The following RBFOX3 variants were observed in gnomAD, a reference collection of about 807,000 sequenced individuals.
The protein encoded by RBFOX3 is RNA binding fox-1 homolog 3.
In RBFOX3, 17 loss-of-function variants were observed where a neutral mutation model predicts 48.7. The ratio of observed to expected loss-of-function variants is 0.35; its 90% CI spans 0.24 to 0.52. The LOEUF is 0.52. Among genes scored for constraint, RBFOX3 ranks in the 20% least tolerant of loss-of-function variants. The pLI is 0.94. For synonymous variants in RBFOX3, 212 were observed against 209.5 expected, an observed-to-expected ratio of 1.01 and a Z score of -0.10; for missense variants, 382 against 497.5, an observed-to-expected ratio of 0.77 and a Z score of 2.21.
At chr17:79,294,153 C>T (rs1020335408) in intron 3 of RBFOX3, among the ~76,000 whole-genome samples, 3 of 152,222 alleles carry the variant, frequency 2.0e-5, no homozygotes, top group African/African-American at 7.2e-5. Flanking sequence ...GTTTTCTATT[C>T]CTCTCCAACA....
intron 4 of RBFOX3, among the ~76,000 whole-genome samples, chr17:79,178,567 G>T (rs545279543): frequency 6.6e-6 from 1 of 152,116 alleles, no homozygotes; most frequent in African/African-American, 2.4e-5. Context: ...CCAGTGCCTC[G>T]GTTTCTCCAA....
chr17:79,608,259 C>G (rs945952371), intron 1 of RBFOX3, among the ~76,000 whole-genome samples: 1 of 152,232 alleles, frequency 6.6e-6, no homozygotes, highest in Non-Finnish European at 1.5e-5. Flanking sequence ...ATACTCCCAG[C>G]CCCGCTGTGG....
At chr17:79,217,234 T>G (rs1456236692) in intron 4 of RBFOX3, among the ~76,000 whole-genome samples, 1 of 152,186 alleles carries the variant, frequency 6.6e-6, no homozygotes, top group Non-Finnish European at 1.5e-5. Flanking sequence ...TGGCCGCAAG[T>G]TTGCCAGCTT....
chr17:79,174,650 A>T (rs1568282885), intron 4 of RBFOX3, among the ~76,000 whole-genome samples: 1 of 149,116 alleles, frequency 6.7e-6, no homozygotes, highest in Non-Finnish European at 1.5e-5. Context: ...ACTGACACAC[A>T]CCCAATGCAC....
At chr17:79,354,229 G>C (rs979666043) in intron 2 of RBFOX3, among the ~76,000 whole-genome samples, 1 of 152,176 alleles carries the variant, frequency 6.6e-6, no homozygotes, top group Non-Finnish European at 1.5e-5. Context: ...CTGTGGGTTT[G>C]GGCAAATGTG....
intron 2 of RBFOX3, among the ~76,000 whole-genome samples, chr17:79,394,589 C>T (rs1163546774): frequency 6.6e-6 from 1 of 152,216 alleles, no homozygotes; most frequent in African/African-American, 2.4e-5. Flanking sequence ...GTCCTCCCAG[C>T]GAGATGAGCA....
intron 1 of RBFOX3, among the ~76,000 whole-genome samples, chr17:79,564,513 G>T (rs2092382043): frequency 6.6e-6 from 1 of 152,150 alleles, no homozygotes; most frequent in African/African-American, 2.4e-5. Context: ...AACGGTGCTG[G>T]AGCCTCAAGA....
At chr17:79,193,730 T>C (rs1171332474) in intron 4 of RBFOX3, among the ~76,000 whole-genome samples, 1 of 152,186 alleles carries the variant, frequency 6.6e-6, no homozygotes, top group Non-Finnish European at 1.5e-5. Flanking sequence ...TGTATTGGAA[T>C]TGTGTTTTTG....
intron 1 of RBFOX3, among the ~76,000 whole-genome samples, chr17:79,594,810 G>C (rs1443998288): frequency 6.6e-6 from 1 of 152,124 alleles, no homozygotes; most frequent in Non-Finnish European, 1.5e-5. Context: ...GGGCACCCCT[G>C]AACATACAAG....
At chr17:79,507,307 T>C (rs915407733) in intron 1 of RBFOX3, among the ~76,000 whole-genome samples, 1 of 152,160 alleles carries the variant, frequency 6.6e-6, no homozygotes, top group African/African-American at 2.4e-5. Context: ...AATGGGGCAG[T>C]CACCCCCTGA....
intron 1 of RBFOX3, among the ~76,000 whole-genome samples, chr17:79,510,484 T>G (rs2083963423): frequency 6.6e-6 from 1 of 152,196 alleles, no homozygotes; most frequent in Non-Finnish European, 1.5e-5. Flanking sequence ...AACCTTCATG[T>G]TCGGGGCCAC....
intron 2 of RBFOX3, among the ~76,000 whole-genome samples, chr17:79,318,395 T>A (rs1257621609): frequency 2.0e-5 from 3 of 151,818 alleles, no homozygotes; most frequent in African/African-American, 7.3e-5. Flanking sequence ...CAGCAGCAAA[T>A]CTCCCCACTT....
intron 2 of RBFOX3, among the ~76,000 whole-genome samples, chr17:79,457,458 C>T (rs1357778263): frequency 1.3e-5 from 2 of 152,166 alleles, no homozygotes; most frequent in Non-Finnish European, 2.9e-5. Context: ...AATCACCCAA[C>T]CAAGACACGT....
intron 1 of RBFOX3, among the ~76,000 whole-genome samples, chr17:79,572,675 G>A (rs2092717588): frequency 6.6e-6 from 1 of 152,204 alleles, no homozygotes; most frequent in African/African-American, 2.4e-5. Flanking sequence ...AGGCAGGAGG[G>A]CAGCCAGCCT....
At chr17:79,532,074 C>A (rs2087870132) in intron 1 of RBFOX3, among the ~76,000 whole-genome samples, 1 of 152,222 alleles carries the variant, frequency 6.6e-6, no homozygotes, top group South Asian at 2.1e-4. Flanking sequence ...ATGCAGATGA[C>A]CCTGCCGTGG....
chr17:79,587,234 G>A (rs2093277947), intron 1 of RBFOX3, among the ~76,000 whole-genome samples: 1 of 152,210 alleles, frequency 6.6e-6, no homozygotes, highest in Non-Finnish European at 1.5e-5. Flanking sequence ...AGCATGGCTG[G>A]TCACGAGAGC....
intron 1 of RBFOX3, among the ~76,000 whole-genome samples, chr17:79,551,894 T>TA (rs1599132167): frequency 6.6e-6 from 1 of 152,198 alleles, no homozygotes. Context: ...CTGTTCTTTA[T>TA]AAATTACTCA....
At position 79,344,059 on chromosome 17, in the gene RBFOX3, C is replaced by A. The variant is rs549024977; in HGVS notation, c.-174-36235G>T. Among the ~76,000 whole-genome samples, 33 of 152,282 alleles carry A rather than the reference C, an allele frequency of 2.2e-4. No individual in the cohort carries two copies. In the South Asian group the frequency reaches 6.4e-3, roughly 30 times the overall value. On this transcript the variant is annotated intron_variant, in intron 2 of 14. Transcript: ENST00000693108. ...CAAGGACAAACACTTATATAAACCA[C>A]ATCAAATCTCCAAGAGGGGTTAGTG...
intron 4 of RBFOX3, among the ~76,000 whole-genome samples, chr17:79,137,888 T>C (rs961179271): frequency 2.6e-5 from 4 of 152,190 alleles, no homozygotes; most frequent in African/African-American, 9.7e-5. Flanking sequence ...CCGCGGCCCG[T>C]TCCTGCCGAC....
Sources: allele counts gnomAD v4.1 joint callset (sites outside exome capture counted in the v4.1 genomes callset), GRCh38; gene constraint gnomAD v4.1.1; transcripts MANE v1.5; gene names NCBI Gene and HGNC (gene_info 2026-07-23, HGNC 2026-07-21).